The following TVP23C variants were observed in gnomAD, a reference collection of about 807,000 sequenced individuals.
TVP23C encodes Golgi apparatus membrane protein TVP23 homolog C.
A neutral mutation model predicts 28.7 loss-of-function variants in TVP23C; 19 were observed. That is an observed-to-expected ratio of 0.66 (90% CI 0.46 to 0.97). The LOEUF (loss-of-function observed/expected upper bound fraction) is 0.97. Ranked by LOEUF, TVP23C falls within the 50% of genes least tolerant of loss-of-function variation. The pLI, the probability that TVP23C is intolerant of heterozygous loss-of-function variation, is 0.00. For synonymous variants in TVP23C, 68 were observed against 81.7 expected (o/e 0.83, Z 0.90); for missense variants, 186 against 241.3 (o/e 0.77, Z 1.52).
Position 15,539,655 on chromosome 17 carries a change from A to G in TVP23C, c.*757T>C. ...ACTTTTCCCAAGAGATTTAACCAAT[A>G]ATTATTTACCTATGACTACTACTCA... On this transcript the variant is annotated 3_prime_UTR_variant, in exon 6 of 6. Transcript: ENST00000518321. The G allele has an allele frequency of 4.1e-6, 4 of 985,114 alleles. No individual in the cohort carries two copies. Among genetic ancestry groups the G allele is most frequent in the Non-Finnish European group, 4.8e-6 (4 of 829,858 alleles). 61.0% of individuals were successfully genotyped at this position (985,114 alleles called of 1,614,324 possible). A position where few individuals can be genotyped will look rare whatever the true frequency, so the allele number is the denominator to read the frequency against.
At chr17:15,518,146 T>A (rs1466202310) in intron 5 of TVP23C, among the ~76,000 whole-genome samples, 2 of 126,256 alleles carry the variant, frequency 1.6e-5, no homozygotes, top group African/African-American at 6.3e-5. Flanking sequence ...GCAGCCTAGG[T>A]GACAGATCAA....
intron 2 of TVP23C, among the ~76,000 whole-genome samples, chr17:15,554,990 T>G (rs555774587): frequency 5.3e-5 from 8 of 152,358 alleles, no homozygotes; most frequent in East Asian, 1.9e-4. Context: ...ATGTAAAGTA[T>G]CTACAGAAAC....
intron 5 of TVP23C, among the ~76,000 whole-genome samples, chr17:15,524,453 A>C (rs1262422015): frequency 6.6e-6 from 1 of 152,156 alleles, no homozygotes; most frequent in African/African-American, 2.4e-5. Flanking sequence ...GGTTAAGGAC[A>C]GGATTCTTGG....
At chr17:15,554,409 T>A (rs1313944717) in intron 2 of TVP23C, among the ~76,000 whole-genome samples, 1 of 151,988 alleles carries the variant, frequency 6.6e-6, no homozygotes, top group Non-Finnish European at 1.5e-5. Context: ...GGCTAATTTT[T>A]TGTATTTTTA....
intron 5 of TVP23C, among the ~76,000 whole-genome samples, chr17:15,524,068 GTGT>G (rs1567634741): frequency 2.4e-3 from 202 of 85,406 alleles, no homozygotes; most frequent in African/African-American, 8.5e-3. Context: ...AGTGGGGTGT[GTGT>G]GTGTGTGTGT....
rs1477419772 is a variant in TVP23C, at chr17:15,538,175, C to A, written c.*2237G>T. On this transcript the variant is annotated 3_prime_UTR_variant, in exon 6 of 6. Transcript: ENST00000518321. ...TGTTCCGCAAAAGACAAAAAAAGAA[C>A]TCCTTAACATCAAAGTTATTTCACT... 11 of 1,613,658 alleles carry A rather than the reference C, an allele frequency of 6.8e-6. No individual in the cohort carries two copies. Among genetic ancestry groups the A allele is most frequent in the Non-Finnish European group, 6.8e-6 (8 of 1,179,796 alleles).
chr17:15,548,218 A>G (rs1983729528), intron 3 of TVP23C, among the ~76,000 whole-genome samples: 1 of 152,124 alleles, frequency 6.6e-6, no homozygotes, highest in Non-Finnish European at 1.5e-5. Context: ...CCAGGCTGGC[A>G]TGCAACGGGG....
chr17:15,504,046 A>T (rs1295683449), intron 5 of TVP23C, among the ~76,000 whole-genome samples: 1 of 152,166 alleles, frequency 6.6e-6, no homozygotes, highest in Non-Finnish European at 1.5e-5. Context: ...CAGTCTCCTG[A>T]GAGCAAGCAT....
downstream of TVP23C, among the ~76,000 whole-genome samples, chr17:15,534,066 T>C (rs1983052838): frequency 6.6e-6 from 1 of 152,200 alleles, no homozygotes; most frequent in Non-Finnish European, 1.5e-5. Context: ...TTCAACAGAA[T>C]ATAATAGCCT....
intron 5 of TVP23C, among the ~76,000 whole-genome samples, chr17:15,524,017 G>A (rs1247896889): frequency 1.3e-5 from 2 of 151,880 alleles, no homozygotes; most frequent in East Asian, 3.8e-4. Flanking sequence ...AGAGCTTGGT[G>A]CATTTGAAGA....
chr17:15,550,686 A>C (rs1983845483), intron 3 of TVP23C, among the ~76,000 whole-genome samples: 1 of 152,200 alleles, frequency 6.6e-6, no homozygotes, highest in African/African-American at 2.4e-5. Context: ...ACTGTGATTC[A>C]TAAAATCACC....
At chr17:15,503,385 A>G in intron 5 of TVP23C, 1 of 927,718 alleles carries the variant, frequency 1.1e-6, no homozygotes, top group East Asian at 2.8e-5. Context: ...AGCCTGGGCG[A>G]CAGAGCAAGA....
At chr17:15,556,940 C>T (rs1011868000) in intron 1 of TVP23C, among the ~76,000 whole-genome samples, 1 of 151,274 alleles carries the variant, frequency 6.6e-6, no homozygotes, top group African/African-American at 2.4e-5. Context: ...CTAATGCCCC[C>T]TACTTGCTTC....
intron 5 of TVP23C, among the ~76,000 whole-genome samples, chr17:15,507,642 TC>T (rs748711647): frequency 6.6e-6 from 1 of 152,100 alleles, no homozygotes; most frequent in Non-Finnish European, 1.5e-5. Flanking sequence ...ATCGAGACCA[TC>T]CTGGCTAACA....
At chr17:15,550,536 G>A (rs1280683731) in intron 3 of TVP23C, among the ~76,000 whole-genome samples, 1 of 152,166 alleles carries the variant, frequency 6.6e-6, no homozygotes, top group Non-Finnish European at 1.5e-5. Flanking sequence ...AGATCCTTCA[G>A]AACTTATTTA....
At chr17:15,542,211 GA>G (rs780335024) in intron 5 of TVP23C, among the ~76,000 whole-genome samples, 1 of 152,026 alleles carries the variant, frequency 6.6e-6, no homozygotes, top group African/African-American at 2.4e-5. Context: ...AAAGACCCGA[GA>G]AAAAAATGCA....
chr17:15,553,980 G>C lies in TVP23C; in HGVS notation c.96-151C>G. Reference sequence around the variant, plus strand: ...TTAGTAGGAGGAAGCAAACCTCCTAGCTCTCTTTTTCTTAAGCCCCACTAT... The same window carrying C: ...TTAGTAGGAGGAAGCAAACCTCCTACCTCTCTTTTTCTTAAGCCCCACTAT... On this transcript the variant is annotated intron_variant, in intron 2 of 5. Coordinates refer to ENST00000518321, the MANE Select transcript of TVP23C (RefSeq NM_001135036.2). The C allele has an allele frequency of 6.5e-6, 9 of 1,384,896 alleles. 1 individual carries two copies. The South Asian group carries it at 1.2e-4, about 18-fold the overall frequency. 85.8% of individuals were successfully genotyped at this position (1,384,896 alleles called of 1,614,324 possible).
chr17:15,509,430 T>G (rs753702523), intron 5 of TVP23C, among the ~76,000 whole-genome samples: 1 of 152,202 alleles, frequency 6.6e-6, no homozygotes, highest in Non-Finnish European at 1.5e-5. Context: ...CAGCCAGGAG[T>G]GCTGAATATC....
chr17:15,524,703 CCA>C (rs1982645491), intron 5 of TVP23C, among the ~76,000 whole-genome samples: 1 of 134,406 alleles, frequency 7.4e-6, no homozygotes, highest in African/African-American at 3.1e-5. Context: ...TGCTGGGGTC[CCA>C]GAGGGATGCA....
Sources: allele counts gnomAD v4.1 joint callset (sites outside exome capture counted in the v4.1 genomes callset), GRCh38; gene constraint gnomAD v4.1.1; transcripts MANE v1.5; gene names NCBI Gene and HGNC (gene_info 2026-07-23, HGNC 2026-07-21).